SEPTIN9: variants seen among roughly 807,000 people sequenced by gnomAD.
SEPTIN9 encodes septin-9.
SEPTIN9 carries 13 observed loss-of-function variants against 56.6 expected under a neutral mutation model. That is an observed-to-expected ratio of 0.23 (90% CI 0.15 to 0.37). The LOEUF (loss-of-function observed/expected upper bound fraction) is 0.37, where lower values mean the gene tolerates loss of function less well. Among genes scored for constraint, SEPTIN9 ranks in the 10% least tolerant of loss-of-function variants. SEPTIN9 has a pLI of 1.00. For synonymous variants in SEPTIN9, 332 were observed against 334.1 expected (o/e 0.99, Z 0.07); for missense variants, 650 against 823.1 (o/e 0.79, Z 2.57).
intron 3 of SEPTIN9, among the ~76,000 whole-genome samples, chr17:77,477,895 T>C (rs559950778): frequency 3.9e-5 from 6 of 152,146 alleles, no homozygotes; most frequent in Admixed American, 1.3e-4. Context: ...CCCGAAAGAA[T>C]GGAAAGCAGG....
rs540321693 is a variant in SEPTIN9 at position 77,434,762 on chromosome 17, G to A, written c.721+32059G>A. On this transcript the variant is annotated intron_variant, in intron 3 of 11. Coordinates refer to ENST00000427177, the MANE Select transcript of SEPTIN9 (RefSeq NM_001113491.2). The surrounding 1 kb of genome is among the most constrained non-coding windows in gnomAD (Gnocchi z 5.0). ...CCTGGGTGTGATGAAGGCAAGGACC[G>A]GTGGCTCACCCCTCTTGCACCTGGA... 7.2e-5 allele frequency among the ~76,000 whole-genome samples: 11 copies of A among 152,334 alleles called. No homozygotes were observed. Among genetic ancestry groups the A allele is most frequent in the African/African-American group, 1.9e-4 (8 of 41,582 alleles).
intron 3 of SEPTIN9, among the ~76,000 whole-genome samples, chr17:77,404,343 C>G (rs2035995507): frequency 6.6e-6 from 1 of 152,152 alleles, no homozygotes; most frequent in South Asian, 2.1e-4. Flanking sequence ...CCCCTGGGCT[C>G]AAGTGATTCC....
chr17:77,475,651 A>T lies in SEPTIN9; in HGVS notation c.722-6493A>T. On this transcript the variant is annotated intron_variant, in intron 3 of 11. Coordinates refer to ENST00000427177, the MANE Select transcript of SEPTIN9 (RefSeq NM_001113491.2). The surrounding 1 kb of genome is among the most constrained non-coding windows in gnomAD (Gnocchi z 4.6). ...GGCTGCTCCAGTGTGCATTGTTACGAGGCAAAGTAAGGAGACTGCTGGGCC... is the reference window on the plus strand; with the variant it reads ...GGCTGCTCCAGTGTGCATTGTTACGTGGCAAAGTAAGGAGACTGCTGGGCC... 3 of 1,613,738 alleles carry T rather than the reference A, an allele frequency of 1.9e-6. No homozygotes were observed. Among genetic ancestry groups the T allele is most frequent in the Non-Finnish European group, 2.5e-6 (3 of 1,179,854 alleles).
intron 2 of SEPTIN9, among the ~76,000 whole-genome samples, chr17:77,358,597 C>T (rs1166443950): frequency 2.0e-5 from 3 of 152,124 alleles, no homozygotes; most frequent in Non-Finnish European, 4.4e-5. Context: ...CGAGATCGCA[C>T]CACTCCTCTC....
Position 77,337,686 on chromosome 17 carries a change from A to T in SEPTIN9, c.76+30489A>T, listed in dbSNP as rs2033599253. Among the ~76,000 whole-genome samples, 3 of 152,302 alleles carry T rather than the reference A, an allele frequency of 2.0e-5. No individual in the cohort carries two copies. In the South Asian group the frequency reaches 6.2e-4, roughly 32 times the overall value. On this transcript the variant is annotated intron_variant, in intron 2 of 11. Transcript: ENST00000427177. ...TAATCACAAATTCAATTTAATGTATAGAAAGAGTTATTCAGGTTTTTTTAC... is the reference window on the plus strand; with the variant it reads ...TAATCACAAATTCAATTTAATGTATTGAAAGAGTTATTCAGGTTTTTTTAC...
chr17:77,478,526 G>A (rs2039315661), intron 3 of SEPTIN9, among the ~76,000 whole-genome samples: 1 of 152,244 alleles, frequency 6.6e-6, no homozygotes, highest in Non-Finnish European at 1.5e-5. Flanking sequence ...GGCGGGACAG[G>A]CCGGGCGTGG....
intron 2 of SEPTIN9, among the ~76,000 whole-genome samples, chr17:77,336,164 A>G (rs2033546647): frequency 6.6e-6 from 1 of 152,194 alleles, no homozygotes; most frequent in Non-Finnish European, 1.5e-5. Flanking sequence ...CTTTACAGTA[A>G]GTCTTAATAT....
At chr17:77,382,195 T>C (rs2035169762) in intron 2 of SEPTIN9, among the ~76,000 whole-genome samples, 1 of 152,084 alleles carries the variant, frequency 6.6e-6, no homozygotes, top group African/African-American at 2.4e-5. Context: ...GCCCAGCTAA[T>C]TTTTTGTATT....
At chr17:77,354,450 A>G (rs551899948) in intron 2 of SEPTIN9, among the ~76,000 whole-genome samples, 17 of 152,266 alleles carry the variant, frequency 1.1e-4, no homozygotes, top group East Asian at 3.9e-4. Context: ...TAGCAGCCTC[A>G]TCTCCCTGGT....
intron 3 of SEPTIN9, among the ~76,000 whole-genome samples, chr17:77,480,562 G>A (rs761387503): frequency 3.3e-5 from 5 of 152,344 alleles, no homozygotes; most frequent in Admixed American, 6.5e-5. Context: ...AGGAGTGGGC[G>A]TGGGCCGGGA....
intron 2 of SEPTIN9, among the ~76,000 whole-genome samples, chr17:77,320,942 C>T (rs2032897117): frequency 6.6e-6 from 1 of 152,264 alleles, no homozygotes; most frequent in Non-Finnish European, 1.5e-5. Context: ...GCCGCAGGCA[C>T]AGACCCATCA....
At chr17:77,364,600 G>T (rs967091672) in intron 2 of SEPTIN9, among the ~76,000 whole-genome samples, 1 of 152,322 alleles carries the variant, frequency 6.6e-6, no homozygotes, top group East Asian at 1.9e-4. Flanking sequence ...TGAGGAGAGG[G>T]GGGCAGGAAG....
Position 77,388,351 on chromosome 17 carries a change from G to A in SEPTIN9, c.77-13708G>A, listed in dbSNP as rs113842646. 9.8e-3 allele frequency among the ~76,000 whole-genome samples: 1,492 copies of A among 152,088 alleles called. 11 individuals carry two copies. The highest frequency in any genetic ancestry group is 0.037 in the Middle Eastern group (11 of 294). Reference sequence around the variant, plus strand: ...TCTGGAATCTTCTGCGTCCAGTTGCGGCCCCTCCTACACAGCACACCCACC... The same window carrying A: ...TCTGGAATCTTCTGCGTCCAGTTGCAGCCCCTCCTACACAGCACACCCACC... On this transcript the variant is annotated intron_variant, in intron 2 of 11. Transcript: ENST00000427177.
At chr17:77,347,378 CAAAAA>C (rs374020168) in intron 2 of SEPTIN9, among the ~76,000 whole-genome samples, 1 of 105,854 alleles carries the variant, frequency 9.4e-6, no homozygotes, top group African/African-American at 3.4e-5. Context: ...AACTCCGTCT[CAAAAA>C]AAAAAAAAAA....
intron 3 of SEPTIN9, among the ~76,000 whole-genome samples, chr17:77,407,417 G>A (rs1012020429): frequency 1.3e-5 from 2 of 151,786 alleles, no homozygotes; most frequent in African/African-American, 4.8e-5. Flanking sequence ...TGTGGTTCTT[G>A]TAGGCAGATG....
In SEPTIN9 at chr17:77,421,560, C is replaced by T. The variant is rs1598348682; in HGVS notation, c.721+18857C>T. ...CTGCCTGCTGGTTTTGCTTCCTGTC[C>T]TGGGAGAAGGTATCCACATGTCCCA... On this transcript the variant is annotated intron_variant, in intron 3 of 11. Transcript: ENST00000427177. This position sits in a 1 kb window ranked among gnomAD's most constrained non-coding sequence, Gnocchi z 4.6. Among the ~76,000 whole-genome samples the T allele has an allele frequency of 6.6e-6, 1 of 152,200 alleles. No individual in the cohort carries two copies. Among genetic ancestry groups the T allele is most frequent in the East Asian group, 1.9e-4 (1 of 5,200 alleles).
intron 7 of SEPTIN9, 33 bp downstream of exon 7, chr17:77,488,897 G>C: frequency 6.2e-7 from 1 of 1,609,816 alleles, no homozygotes; most frequent in Admixed American, 1.7e-5. Context: ...TCCTCATGCC[G>C]GGTGCCCTGG....
In SEPTIN9 at chr17:77,327,610, G is replaced by A. The variant is rs371290685; in HGVS notation, c.76+20413G>A. 9.2e-5 allele frequency among the ~76,000 whole-genome samples: 14 copies of A among 152,288 alleles called. No homozygotes were observed. Among genetic ancestry groups the A allele is most frequent in the South Asian group, 8.3e-4 (4 of 4,822 alleles). On this transcript the variant is annotated intron_variant, in intron 2 of 11. Coordinates refer to ENST00000427177, the MANE Select transcript of SEPTIN9 (RefSeq NM_001113491.2). This position sits in a 1 kb window ranked among gnomAD's most constrained non-coding sequence, Gnocchi z 5.0. Reference sequence around the variant, plus strand: ...AGATTCCTCTTAACCAGCGGCCCACGTTTGGAGACTGATTTGGGCTCCAGG... The same window carrying A: ...AGATTCCTCTTAACCAGCGGCCCACATTTGGAGACTGATTTGGGCTCCAGG...
intron 1 of SEPTIN9, among the ~76,000 whole-genome samples, chr17:77,306,472 C>A (rs1159132280): frequency 6.6e-6 from 1 of 152,236 alleles, no homozygotes; most frequent in Non-Finnish European, 1.5e-5. Flanking sequence ...CTGCCATGAG[C>A]CTCTCCAACA....
Sources: gnomAD v4.1 joint callset for allele counts (sites outside exome capture counted in the v4.1 genomes callset) on GRCh38, gnomAD v4.1.1 for gene constraint, Gnocchi (gnomAD v3.1) non-coding constraint, MANE v1.5 for transcripts, NCBI Gene and HGNC (gene_info 2026-07-23, HGNC 2026-07-21) for gene names.